Variants in PARD3B observed in about 807,000 individuals in gnomAD.
PARD3B encodes the protein par-3 family cell polarity regulator beta.
A neutral mutation model predicts 130.2 loss-of-function variants in PARD3B; 103 were observed. That is an observed-to-expected ratio of 0.79 (90% CI 0.67 to 0.93). The LOEUF is 0.93. Among genes scored for constraint, PARD3B ranks in the 40% least tolerant of loss-of-function variants. The pLI, the probability that PARD3B is intolerant of heterozygous loss-of-function variation, is 0.00. For synonymous variants in PARD3B, 583 were observed against 553.2 expected (o/e 1.05, Z -0.76); for missense variants, 1,609 against 1,499.2 (o/e 1.07, Z -1.21).
At chr2:204,622,236 C>T (rs1002636943) in intron 1 of PARD3B, among the ~76,000 whole-genome samples, 3 of 152,170 alleles carry the variant, frequency 2.0e-5, no homozygotes, top group Admixed American at 6.5e-5. Flanking sequence ...AAACACGCAA[C>T]CAGCATTTCT....
chr2:205,035,985 G>A (rs943499078), intron 3 of PARD3B, among the ~76,000 whole-genome samples: 6 of 140,640 alleles, frequency 4.3e-5, no homozygotes, highest in Non-Finnish European at 3.1e-5. Context: ...TATATATATA[G>A]TAGAATATAT....
At chr2:204,830,929 C>G (rs760710233) in intron 2 of PARD3B, among the ~76,000 whole-genome samples, 62 of 152,256 alleles carry the variant, frequency 4.1e-4, no homozygotes, top group Middle Eastern at 3.4e-3. Flanking sequence ...AGCAAATGTG[C>G]TTTAGAATAA....
intron 1 of PARD3B, among the ~76,000 whole-genome samples, chr2:204,671,116 G>A (rs1335555626): frequency 6.6e-6 from 1 of 152,046 alleles, no homozygotes; most frequent in Non-Finnish European, 1.5e-5. Flanking sequence ...CCTCATTTTG[G>A]TGGAGCACAT....
At chr2:205,226,722 C>T (rs2038571915) in intron 15 of PARD3B, among the ~76,000 whole-genome samples, 1 of 152,140 alleles carries the variant, frequency 6.6e-6, no homozygotes, top group African/African-American at 2.4e-5. Context: ...ATCTATGACT[C>T]TAGTTTTATG....
At chr2:204,812,756 T>C (rs192301223) in intron 2 of PARD3B, among the ~76,000 whole-genome samples, 13 of 152,286 alleles carry the variant, frequency 8.5e-5, no homozygotes, top group African/African-American at 3.1e-4. Flanking sequence ...GAAATCCTAC[T>C]AGGAAGCTGC....
At position 205,538,464 on chromosome 2, in the gene PARD3B, C is replaced by CGT. The variant is rs554316041; in HGVS notation, c.3181-14853_3181-14852dup. Among the ~76,000 whole-genome samples, 85 of 116,428 alleles carry CGT rather than the reference C, an allele frequency of 7.3e-4. 2 individuals carry two copies. The East Asian group carries it at 9.6e-3, about 13-fold the overall frequency. The allele number at this position is 116,428 out of a possible 152,430, so 76.4% of individuals were successfully genotyped here. A position where few individuals can be genotyped will look rare whatever the true frequency, so the allele number is the denominator to read the frequency against. ...TCTGTAAACAACAATAAGATGGTCA[C>CGT]GTGTGTGTACACACACACACACACA... is the stretch of plus-strand genomic sequence containing the variant. On this transcript the variant is annotated intron_variant, in intron 21 of 22. Transcript: ENST00000406610.
intron 19 of PARD3B, among the ~76,000 whole-genome samples, chr2:205,417,817 G>A (rs1452468384): frequency 6.6e-6 from 1 of 152,198 alleles, no homozygotes; most frequent in Non-Finnish European, 1.5e-5. Flanking sequence ...TAGGCACCCT[G>A]CAGATGGGGC....
intron 1 of PARD3B, among the ~76,000 whole-genome samples, chr2:204,563,159 G>GAGCTATGGC (rs923635023): frequency 1.3e-5 from 2 of 151,226 alleles, no homozygotes; most frequent in Admixed American, 1.3e-4. Context: ...GGGCATTTCT[G>GAGCTATGGC]AGCTATGGCA....
At chr2:205,007,550 T>A (rs1205625886) in intron 3 of PARD3B, among the ~76,000 whole-genome samples, 4 of 152,194 alleles carry the variant, frequency 2.6e-5, no homozygotes, top group Admixed American at 6.5e-5. Flanking sequence ...CCTGTTTTTA[T>A]ACCACTACCG....
chr2:204,721,346 C>T (rs1439036996), intron 2 of PARD3B, among the ~76,000 whole-genome samples: 2 of 152,036 alleles, frequency 1.3e-5, no homozygotes, highest in African/African-American at 4.8e-5. Flanking sequence ...CACATACTCC[C>T]CCCTGTAAGA....
At chr2:205,511,267 C>T (rs1219189179) in intron 21 of PARD3B, among the ~76,000 whole-genome samples, 2 of 152,026 alleles carry the variant, frequency 1.3e-5, no homozygotes, top group South Asian at 2.1e-4. Context: ...AATAAGTTAC[C>T]CATCTCTGGC....
At chr2:205,120,070 A>T (rs546824921) in intron 7 of PARD3B, among the ~76,000 whole-genome samples, 1 of 152,202 alleles carries the variant, frequency 6.6e-6, no homozygotes, top group South Asian at 2.1e-4. Flanking sequence ...GACAAAGATG[A>T]GTGGTTGTGG....
chr2:205,053,122 G>T (rs773905768), intron 4 of PARD3B, among the ~76,000 whole-genome samples: 8 of 152,046 alleles, frequency 5.3e-5, no homozygotes, highest in Non-Finnish European at 8.8e-5. Context: ...ATGATGACGT[G>T]TTGATTTGAG....
At chr2:204,827,472 G>T (rs950957868) in intron 2 of PARD3B, among the ~76,000 whole-genome samples, 1 of 152,170 alleles carries the variant, frequency 6.6e-6, no homozygotes, top group African/African-American at 2.4e-5. Flanking sequence ...CATGCTTAAA[G>T]AGATCTGGCC....
Position 204,689,996 on chromosome 2 carries a change from C to A in PARD3B, c.222+3714C>A, listed in dbSNP as rs1446290605. 1.3e-5 allele frequency among the ~76,000 whole-genome samples: 2 copies of A among 152,094 alleles called. No individual in the cohort carries two copies. The highest frequency in any genetic ancestry group is 2.9e-5 in the Non-Finnish European group (2 of 68,004). ...GAGTATAACAAAACAGTTGAGTATACAATTTATTTATAAATTAATTCAGAA... is the reference window on the plus strand; with the variant it reads ...GAGTATAACAAAACAGTTGAGTATAAAATTTATTTATAAATTAATTCAGAA... On this transcript the variant is annotated intron_variant, in intron 2 of 22. Coordinates refer to ENST00000406610, the MANE Select transcript of PARD3B (RefSeq NM_001302769.2). The surrounding 1 kb of genome is among the most constrained non-coding windows in gnomAD (Gnocchi z 5.2).
intron 14 of PARD3B, among the ~76,000 whole-genome samples, chr2:205,190,727 G>T (rs2036349416): frequency 6.6e-6 from 1 of 152,102 alleles, no homozygotes; most frequent in Non-Finnish European, 1.5e-5. Context: ...TTCTATGAAG[G>T]CCATGAGTCT....
chr2:205,114,185 T>C (rs1703858262), intron 6 of PARD3B, among the ~76,000 whole-genome samples: 1 of 152,130 alleles, frequency 6.6e-6, no homozygotes, highest in African/African-American at 2.4e-5. Context: ...AAAATGGCAT[T>C]GTAGATCGTA....
chr2:205,473,221 C>G lies in PARD3B; in HGVS notation c.3045-26675C>G, dbSNP rs2048900649. 6.6e-6 allele frequency among the ~76,000 whole-genome samples: 1 copy of G among 152,130 alleles called. No individual in the cohort carries two copies. The highest frequency in any genetic ancestry group is 2.4e-5 in the African/African-American group (1 of 41,430). On this transcript the variant is annotated intron_variant, in intron 20 of 22. Coordinates refer to ENST00000406610, the MANE Select transcript of PARD3B (RefSeq NM_001302769.2). The surrounding 1 kb of genome is among the most constrained non-coding windows in gnomAD (Gnocchi z 4.9). ...ACTGCTAGACCTCAGAAGACTCTCCCTTTCCCATTAATAAAAAGGGGACTG... is the reference window on the plus strand; with the variant it reads ...ACTGCTAGACCTCAGAAGACTCTCCGTTTCCCATTAATAAAAAGGGGACTG...
chr2:205,136,603 T>C (rs2032504741), intron 10 of PARD3B, among the ~76,000 whole-genome samples: 1 of 152,192 alleles, frequency 6.6e-6, no homozygotes, highest in Non-Finnish European at 1.5e-5. Flanking sequence ...CCTTCTCTCC[T>C]TCCCAGCAGC....
Sources: allele counts gnomAD v4.1 joint callset (sites outside exome capture counted in the v4.1 genomes callset), GRCh38; gene constraint gnomAD v4.1.1; non-coding constraint Gnocchi (gnomAD v3.1); transcripts MANE v1.5; gene names NCBI Gene and HGNC (gene_info 2026-07-23, HGNC 2026-07-21).